TVP23A: variants seen among roughly 807,000 people sequenced by gnomAD.
TVP23A encodes the protein Golgi apparatus membrane protein TVP23 homolog A.
TVP23A carries 21 observed loss-of-function variants against 31.7 expected under a neutral mutation model. The ratio of observed to expected loss-of-function variants is 0.66; its 90% confidence interval spans 0.47 to 0.95. TVP23A has a LOEUF of 0.95. Ranked by LOEUF, TVP23A falls within the 40% of genes least tolerant of loss-of-function variation. TVP23A has a pLI of 0.00. For synonymous variants in TVP23A, 104 were observed against 96.0 expected, an observed-to-expected ratio of 1.08 and a Z score of -0.49; for missense variants, 279 against 255.6, an observed-to-expected ratio of 1.09 and a Z score of -0.62.
downstream of TVP23A, chr16:10,761,853 C>A: frequency 6.2e-7 from 1 of 1,613,240 alleles, no homozygotes; most frequent in Non-Finnish European, 8.5e-7. Context: ...CCTGGATCCG[C>A]TCATAGGTGG....
At chr16:10,792,660 C>T (rs930292780) in intron 2 of TVP23A, among the ~76,000 whole-genome samples, 9 of 152,252 alleles carry the variant, frequency 5.9e-5, no homozygotes, top group African/African-American at 1.9e-4. Flanking sequence ...TCAGGAACGC[C>T]GTGGGGCCTG....
chr16:10,791,838 G>A (rs1255024262), intron 2 of TVP23A, among the ~76,000 whole-genome samples: 1 of 152,082 alleles, frequency 6.6e-6, no homozygotes, highest in Admixed American at 6.6e-5. Flanking sequence ...GATGGTCTCA[G>A]TCTCCTGACC....
At chr16:10,771,086 A>G (rs1235112783) in intron 6 of TVP23A, among the ~76,000 whole-genome samples, 1 of 152,034 alleles carries the variant, frequency 6.6e-6, no homozygotes, top group African/African-American at 2.4e-5. Flanking sequence ...AGGGGGAGTT[A>G]GTGTTTTGTG....
At chr16:10,784,313 A>G (rs1190215627) in intron 2 of TVP23A, among the ~76,000 whole-genome samples, 2 of 151,874 alleles carry the variant, frequency 1.3e-5, no homozygotes. Context: ...TAGGCGACAG[A>G]GCAAGACTCT....
downstream of TVP23A, among the ~76,000 whole-genome samples, chr16:10,763,235 A>G (rs1478445733): frequency 6.6e-6 from 1 of 152,124 alleles, no homozygotes; most frequent in Admixed American, 6.5e-5. Flanking sequence ...AAGGTGGTTC[A>G]TGTCCGTGCA....
intron 7 of TVP23A, among the ~76,000 whole-genome samples, chr16:10,769,884 G>T (rs2031424238): frequency 6.6e-6 from 1 of 152,146 alleles, no homozygotes; most frequent in Admixed American, 6.5e-5. Flanking sequence ...GAGACCACGT[G>T]GGAGAAGAGT....
chr16:10,761,626 GTTCTT>G (rs755431529), intron 8 of TVP23A: 106 of 944,532 alleles, frequency 1.1e-4, no homozygotes, highest in African/African-American at 1.5e-4. Flanking sequence ...CTAAAGGAAA[GTTCTT>G]TAGGTGTTAA....
chr16:10,801,548 C>T (rs575713487), intron 2 of TVP23A, among the ~76,000 whole-genome samples: 112 of 152,232 alleles, frequency 7.4e-4, no homozygotes, highest in African/African-American at 2.6e-3. Flanking sequence ...CCTTCACCTC[C>T]TGGGTTCAAG....
intron 2 of TVP23A, among the ~76,000 whole-genome samples, chr16:10,808,242 A>G (rs2034033620): frequency 6.6e-6 from 1 of 152,188 alleles, no homozygotes; most frequent in South Asian, 2.1e-4. Flanking sequence ...AGTTCCCCCA[A>G]ACAGCAGCCA....
Position 10,774,105 on chromosome 16 carries a change from C to T in TVP23A, c.258G>A (p.Val86=). ...CTATCTGGTTCCACCATCGAAGGCC[C>T]ACCAGGAGTCTTCCGGTTACATTCT... ...SVKNVTGRLL[V]GLRWWNQIDE... Residue 86 remains valine (V), a synonymous_variant, in exon 4 of 8, where the codon GTG becomes GTA. Coordinates refer to ENST00000299866, the MANE Select transcript of TVP23A (RefSeq NM_001079512.4). 1 of 1,611,000 alleles carries T rather than the reference C, an allele frequency of 6.2e-7. No individual in the cohort carries two copies. The highest frequency in any genetic ancestry group is 8.5e-7 in the Non-Finnish European group (1 of 1,178,652).
At chr16:10,773,029 G>C (rs772975958) in intron 5 of TVP23A, among the ~76,000 whole-genome samples, 2 of 152,122 alleles carry the variant, frequency 1.3e-5, no homozygotes, top group Non-Finnish European at 2.9e-5. Context: ...TTTTTGCAGA[G>C]ATGGGGTTTT....
rs1424373264 is a variant in TVP23A at position 10,804,501 on chromosome 16, A to T, written c.89+13602T>A. 2.0e-5 allele frequency among the ~76,000 whole-genome samples: 3 copies of T among 152,196 alleles called. 1 individual carries two copies. The South Asian group carries it at 6.2e-4, about 32-fold the overall frequency. On this transcript the variant is annotated intron_variant, in intron 2 of 7. Coordinates refer to ENST00000299866, the MANE Select transcript of TVP23A (RefSeq NM_001079512.4). ...AGTAGCTCATGCCTGGAATCCCAGC[A>T]CCTTGGGAGGCCAAGGCAAGAGGAT...
chr16:10,776,885 G>C (rs986030210), intron 2 of TVP23A, among the ~76,000 whole-genome samples: 1 of 152,170 alleles, frequency 6.6e-6, no homozygotes, highest in Non-Finnish European at 1.5e-5. Context: ...GCTGGTGGGA[G>C]TGTAGCAGTG....
At chr16:10,783,607 C>G (rs759962242) in intron 2 of TVP23A, among the ~76,000 whole-genome samples, 1 of 152,068 alleles carries the variant, frequency 6.6e-6, no homozygotes, top group African/African-American at 2.4e-5. Flanking sequence ...ACCCAAGAAG[C>G]GGAGGTTGCA....
intron 2 of TVP23A, among the ~76,000 whole-genome samples, chr16:10,791,312 C>T (rs190248687): frequency 2.0e-5 from 3 of 152,238 alleles, no homozygotes; most frequent in African/African-American, 4.8e-5. Context: ...GCCCCGACAC[C>T]CACTTACACT....
At chr16:10,810,537 A>G (rs1055625675) in intron 2 of TVP23A, among the ~76,000 whole-genome samples, 3 of 145,456 alleles carry the variant, frequency 2.1e-5, no homozygotes, top group African/African-American at 5.4e-5. Flanking sequence ...ACAGAGCAAG[A>G]CCCTGTCTCA....
chr16:10,803,861 G>A (rs375285965), intron 2 of TVP23A, among the ~76,000 whole-genome samples: 2 of 152,214 alleles, frequency 1.3e-5, no homozygotes, highest in East Asian at 3.9e-4. Context: ...GGGGTTTTTT[G>A]GGGTAATGAA....
chr16:10,799,599 G>A (rs752236950), intron 2 of TVP23A, among the ~76,000 whole-genome samples: 7 of 152,328 alleles, frequency 4.6e-5, no homozygotes, highest in South Asian at 2.1e-4. Flanking sequence ...CTCCCAAAAC[G>A]CTGGAATTAT....
chr16:10,787,734 CTCTT>C (rs2032853526), intron 2 of TVP23A, among the ~76,000 whole-genome samples: 1 of 152,074 alleles, frequency 6.6e-6, no homozygotes, highest in African/African-American at 2.4e-5. Context: ...GTTCTCCTCT[CTCTT>C]TCTTTTGCCT....
Sources: gnomAD v4.1 joint callset for allele counts (sites outside exome capture counted in the v4.1 genomes callset) on GRCh38, gnomAD v4.1.1 for gene constraint, MANE v1.5 for transcripts, NCBI Gene and HGNC (gene_info 2026-07-23, HGNC 2026-07-21) for gene names.